Variants in GALNTL6 observed in about 807,000 individuals in gnomAD.
GALNTL6 encodes the protein polypeptide N-acetylgalactosaminyltransferase like 6.
In GALNTL6, 46 loss-of-function variants were observed where a neutral mutation model predicts 73.7. The observed-to-expected ratio is 0.62, with a 90% CI of 0.49 to 0.80. The LOEUF (loss-of-function observed/expected upper bound fraction) is 0.80. GALNTL6 is among the 30% of genes least tolerant of loss of function. The pLI, the probability that GALNTL6 is intolerant of heterozygous loss-of-function variation, is 0.00. For synonymous variants in GALNTL6, 259 were observed against 263.7 expected (o/e 0.98, Z 0.17); for missense variants, 604 against 755.0 (o/e 0.80, Z 2.34).
At chr4:172,297,857 A>G (rs900898623) in intron 3 of GALNTL6, among the ~76,000 whole-genome samples, 1 of 151,814 alleles carries the variant, frequency 6.6e-6, no homozygotes, top group Non-Finnish European at 1.5e-5. Context: ...TTCCATATGA[A>G]TTTTAAAGTA....
chr4:172,292,696 G>T (rs990912513), intron 3 of GALNTL6, among the ~76,000 whole-genome samples: 2 of 152,094 alleles, frequency 1.3e-5, no homozygotes, highest in Non-Finnish European at 2.9e-5. Flanking sequence ...GAAAATGTTG[G>T]TATAAAGACA....
At chr4:172,563,963 AAT>A (rs1306015076) in intron 5 of GALNTL6, among the ~76,000 whole-genome samples, 8 of 152,202 alleles carry the variant, frequency 5.3e-5, no homozygotes, top group Non-Finnish European at 8.8e-5. Context: ...AACATTTACA[AAT>A]ATGTTAGTCT....
intron 10 of GALNTL6, among the ~76,000 whole-genome samples, chr4:172,994,216 G>C (rs1751673216): frequency 6.6e-6 from 1 of 152,166 alleles, no homozygotes; most frequent in African/African-American, 2.4e-5. Flanking sequence ...TGGTTTGGAA[G>C]GAGTATATTT....
chr4:172,818,265 G>A (rs113524075), intron 7 of GALNTL6, among the ~76,000 whole-genome samples: 80 of 152,236 alleles, frequency 5.3e-4, no homozygotes, highest in African/African-American at 1.7e-3. Context: ...ATTTATGCAG[G>A]TTCCTAGCTA....
intron 5 of GALNTL6, among the ~76,000 whole-genome samples, chr4:172,575,202 A>G (rs1736916325): frequency 1.3e-5 from 2 of 152,186 alleles, no homozygotes; most frequent in South Asian, 4.1e-4. Context: ...AACAGCTTTG[A>G]AGTTGTAACT....
chr4:171,840,776 T>C (rs1200254687), intron 2 of GALNTL6, among the ~76,000 whole-genome samples: 1 of 152,202 alleles, frequency 6.6e-6, no homozygotes, highest in East Asian at 1.9e-4. Context: ...TTTCTTATCA[T>C]GTTGCAACAT....
At chr4:171,914,793 A>C (rs936094156) in intron 2 of GALNTL6, among the ~76,000 whole-genome samples, 41 of 151,416 alleles carry the variant, frequency 2.7e-4, no homozygotes, top group African/African-American at 9.5e-4. Context: ...AAAAAAAAAA[A>C]CTATGAATAG....
chr4:172,732,865 A>G (rs6553648), intron 5 of GALNTL6, among the ~76,000 whole-genome samples: 54,583 of 152,042 alleles, frequency 0.36, 10,844 homozygotes, highest in African/African-American at 0.52. Context: ...CATCTGCCTT[A>G]CATTTTGACT....
chr4:172,782,608 A>T (rs191584885), intron 5 of GALNTL6, among the ~76,000 whole-genome samples: 6 of 152,030 alleles, frequency 3.9e-5, no homozygotes, highest in Non-Finnish European at 8.8e-5. Flanking sequence ...AACCCCCACC[A>T]ATTTCCTTTT....
At chr4:172,026,988 C>T (rs987793921) in intron 2 of GALNTL6, among the ~76,000 whole-genome samples, 4 of 152,006 alleles carry the variant, frequency 2.6e-5, no homozygotes, top group African/African-American at 9.7e-5. Context: ...TCCTGGGGCT[C>T]AAGTGATCTT....
chr4:172,033,436 T>A (rs1741832083), intron 2 of GALNTL6, among the ~76,000 whole-genome samples: 1 of 152,028 alleles, frequency 6.6e-6, no homozygotes, highest in Non-Finnish European at 1.5e-5. Flanking sequence ...TGTAGTGTAT[T>A]TCTACACTAA....
intron 5 of GALNTL6, among the ~76,000 whole-genome samples, chr4:172,534,649 A>G (rs547692116): frequency 8.6e-5 from 13 of 152,032 alleles, no homozygotes; most frequent in African/African-American, 3.1e-4. Context: ...GCTCACTGCA[A>G]CCTCCGCCTC....
At chr4:172,483,345 A>C (rs1470424001) in intron 5 of GALNTL6, among the ~76,000 whole-genome samples, 1 of 152,164 alleles carries the variant, frequency 6.6e-6, no homozygotes, top group Non-Finnish European at 1.5e-5. Flanking sequence ...GGAAAAGAGA[A>C]CATTGTGAAG....
At chr4:172,366,490 T>C (rs1742565552) in intron 5 of GALNTL6, among the ~76,000 whole-genome samples, 1 of 152,202 alleles carries the variant, frequency 6.6e-6, no homozygotes, top group Non-Finnish European at 1.5e-5. Flanking sequence ...CACCTTCATA[T>C]GTTGCCTGAC....
At chr4:172,883,866 C>G (rs1303145504) in intron 8 of GALNTL6, among the ~76,000 whole-genome samples, 2 of 151,940 alleles carry the variant, frequency 1.3e-5, no homozygotes, top group Non-Finnish European at 1.5e-5. Context: ...GTTTAGCTCC[C>G]CATATGAGCT....
chr4:173,003,300 G>A (rs866878554), intron 10 of GALNTL6, among the ~76,000 whole-genome samples: 27 of 152,074 alleles, frequency 1.8e-4, no homozygotes, highest in African/African-American at 6.0e-4. Context: ...TTGGTGTGGC[G>A]CTCAAATTGC....
At chr4:173,013,889 T>C (rs1439616342) in intron 11 of GALNTL6, among the ~76,000 whole-genome samples, 1 of 152,196 alleles carries the variant, frequency 6.6e-6, no homozygotes, top group Non-Finnish European at 1.5e-5. Flanking sequence ...ACTCAGTGAC[T>C]TACAAGAATT....
intron 2 of GALNTL6, among the ~76,000 whole-genome samples, chr4:172,154,351 G>C (rs1056173680): frequency 3.9e-5 from 6 of 152,024 alleles, no homozygotes; most frequent in African/African-American, 1.4e-4. Context: ...TCCTGCCTCA[G>C]CCTCCCAAGT....
intron 8 of GALNTL6, among the ~76,000 whole-genome samples, chr4:172,906,383 T>C (rs150653583): frequency 3.2e-4 from 49 of 152,310 alleles, no homozygotes; most frequent in African/African-American, 1.1e-3. Context: ...AAAATATAAA[T>C]GGCAAACTGA....
Sources: allele counts gnomAD v4.1 joint callset (sites outside exome capture counted in the v4.1 genomes callset), GRCh38; gene constraint gnomAD v4.1.1; transcripts MANE v1.5; gene names NCBI Gene and HGNC (gene_info 2026-07-23, HGNC 2026-07-21).